The following MEGF11 variants were observed in gnomAD, a reference collection of about 807,000 sequenced individuals.
MEGF11 encodes the protein multiple epidermal growth factor-like domains protein 11.
A neutral mutation model predicts 146.6 loss-of-function variants in MEGF11; 126 were observed. The observed-to-expected ratio is 0.86, with a 90% confidence interval of 0.74 to 1.00. The LOEUF is 1.00. MEGF11 is among the 50% of genes least tolerant of loss of function. The pLI is 0.00. For synonymous variants in MEGF11, 532 were observed against 583.4 expected, an observed-to-expected ratio of 0.91 and a Z score of 1.27; for missense variants, 1,509 against 1,521.2, an observed-to-expected ratio of 0.99 and a Z score of 0.13.
intron 4 of MEGF11, among the ~76,000 whole-genome samples, chr15:66,114,448 G>A (rs1302461487): frequency 6.6e-6 from 1 of 152,236 alleles, no homozygotes; most frequent in East Asian, 1.9e-4. Flanking sequence ...TGTTACCGCA[G>A]CAAAACTCAG....
At chr15:65,909,719 C>T (rs1360534599) in intron 22 of MEGF11, 21 bp downstream of exon 22, 1 of 1,557,296 alleles carries the variant, frequency 6.4e-7, no homozygotes, top group Non-Finnish European at 8.6e-7. Context: ...TGGTGGGGAC[C>T]AGACTCACAC....
intron 5 of MEGF11, among the ~76,000 whole-genome samples, chr15:66,006,395 G>A (rs890558661): frequency 3.9e-5 from 6 of 152,216 alleles, no homozygotes; most frequent in Non-Finnish European, 8.8e-5. Context: ...GGGATGAGGA[G>A]AAGCCAAACC....
chr15:66,039,278 C>T (rs1450895366), intron 5 of MEGF11, among the ~76,000 whole-genome samples: 3 of 152,132 alleles, frequency 2.0e-5, no homozygotes, highest in Non-Finnish European at 4.4e-5. Flanking sequence ...AATGGAACTG[C>T]GGTGACCCCA....
At chr15:65,999,047 C>CT (rs35982125) in intron 5 of MEGF11, among the ~76,000 whole-genome samples, 6,119 of 143,940 alleles carry the variant, frequency 0.043, 191 homozygotes, top group Non-Finnish European at 0.063. Context: ...GGTGTCACTT[C>CT]TTTTTTTTTT....
Position 65,922,827 on chromosome 15 carries a change from C to T in MEGF11, c.1818G>A (p.Gln606=). Reference sequence around the variant, plus strand: ...GGGTCAGGGGATTAGCCTTACTTCTCTGGCATAAGGGTCCTCGGAAGCCAG... The same window carrying T: ...GGGTCAGGGGATTAGCCTTACTTCTTTGGCATAAGGGTCCTCGGAAGCCAG... ...CAPGFRGPLC[Q]RICPPGFYGH... is the part of the protein sequence containing the mutation. The change falls in exon 14 of 26, where the codon CAG becomes CAA. Residue 606 remains glutamine (Q), a synonymous_variant. Transcript: ENST00000395614. 6.2e-7 allele frequency: 1 copy of T among 1,613,782 alleles called. No homozygotes were observed. Among genetic ancestry groups the T allele is most frequent in the Non-Finnish European group, 8.5e-7 (1 of 1,179,808 alleles).
chr15:65,954,619 C>A (rs1843765614), intron 10 of MEGF11, among the ~76,000 whole-genome samples: 1 of 152,226 alleles, frequency 6.6e-6, no homozygotes. Flanking sequence ...TCTGTATTAG[C>A]CCTGAGCCCC....
chr15:66,118,369 A>G (rs1461802321), intron 4 of MEGF11, among the ~76,000 whole-genome samples: 2 of 152,114 alleles, frequency 1.3e-5, no homozygotes, highest in African/African-American at 2.4e-5. Flanking sequence ...GGGTGCCTCC[A>G]CTGCACCACA....
chr15:66,092,367 G>C (rs562199451), intron 5 of MEGF11, among the ~76,000 whole-genome samples: 2 of 152,260 alleles, frequency 1.3e-5, no homozygotes, highest in East Asian at 3.9e-4. Flanking sequence ...ACTTCCCATG[G>C]GTTCAATAGC....
chr15:66,240,076 TC>T (rs2092178642), intron 1 of MEGF11, among the ~76,000 whole-genome samples: 1 of 152,006 alleles, frequency 6.6e-6, no homozygotes, highest in African/African-American at 2.4e-5. Context: ...CCTCTCCCTC[TC>T]CCTGCCCTGA....
chr15:66,241,297 G>T (rs2140238594), intron 1 of MEGF11, among the ~76,000 whole-genome samples: 1 of 152,332 alleles, frequency 6.6e-6, no homozygotes, highest in African/African-American at 2.4e-5. Context: ...GAACAGCAGA[G>T]GCTTCTGGGG....
intron 7 of MEGF11, among the ~76,000 whole-genome samples, chr15:65,976,878 G>A (rs574229187): frequency 6.6e-6 from 1 of 152,248 alleles, no homozygotes; most frequent in East Asian, 1.9e-4. Flanking sequence ...TGGCGGCCAG[G>A]TCCAGTCGCT....
chr15:65,913,709 G>C (rs375659878), intron 20 of MEGF11, 28 bp downstream of exon 20: 1 of 1,571,024 alleles, frequency 6.4e-7, no homozygotes, highest in African/African-American at 1.3e-5. Context: ...GAGGGGAAGA[G>C]GAGGGAGGCC....
chr15:65,916,080 G>GGAGC, intron 18 of MEGF11, 68 bp downstream of exon 18: 6 of 1,484,730 alleles, frequency 4.0e-6, no homozygotes, highest in Middle Eastern at 2.2e-4. Flanking sequence ...CCTTGAAGTG[G>GGAGC]GAGCCATCCT....
intron 1 of MEGF11, among the ~76,000 whole-genome samples, chr15:66,245,835 T>C (rs1445905556): frequency 6.6e-6 from 1 of 152,112 alleles, no homozygotes; most frequent in African/African-American, 2.4e-5. Flanking sequence ...TGTCCCCCCA[T>C]ACACCTATGC....
At chr15:66,023,147 A>AAAAAAAAAAC (rs2083214239) in intron 5 of MEGF11, among the ~76,000 whole-genome samples, 1 of 149,858 alleles carries the variant, frequency 6.7e-6, no homozygotes, top group African/African-American at 2.5e-5. Context: ...TCTCAAAAAA[A>AAAAAAAAAAC]AAAAAAAACA....
chr15:65,991,939 G>A (rs948370285), intron 5 of MEGF11, among the ~76,000 whole-genome samples: 7 of 152,220 alleles, frequency 4.6e-5, no homozygotes, highest in Non-Finnish European at 1.0e-4. Flanking sequence ...CCTGCAGTCA[G>A]TTTGAGAAAC....
intron 5 of MEGF11, among the ~76,000 whole-genome samples, chr15:66,007,309 A>G (rs1360175751): frequency 6.6e-6 from 1 of 152,240 alleles, no homozygotes; most frequent in African/African-American, 2.4e-5. Flanking sequence ...ATAAAGTCAC[A>G]CATTTATACC....
intron 5 of MEGF11, among the ~76,000 whole-genome samples, chr15:66,070,640 G>A (rs1462297458): frequency 4.6e-5 from 7 of 152,236 alleles, no homozygotes; most frequent in Non-Finnish European, 8.8e-5. Flanking sequence ...GGGCTAAGGT[G>A]AACGTCATCT....
intron 1 of MEGF11, among the ~76,000 whole-genome samples, chr15:66,235,217 A>G (rs1375595902): frequency 6.6e-6 from 1 of 152,182 alleles, no homozygotes; most frequent in Non-Finnish European, 1.5e-5. Flanking sequence ...AAAGGTCAAA[A>G]TATAGCAGGG....
Sources: allele counts gnomAD v4.1 joint callset (sites outside exome capture counted in the v4.1 genomes callset), GRCh38; gene constraint gnomAD v4.1.1; transcripts MANE v1.5; gene names NCBI Gene and HGNC (gene_info 2026-07-23, HGNC 2026-07-21).